MTHFD1L: variants seen among roughly 807,000 people sequenced by gnomAD.
The protein encoded by MTHFD1L is methylenetetrahydrofolate dehydrogenase (NADP+ dependent) 1 like.
Under a neutral mutation model 119.5 loss-of-function variants are expected in MTHFD1L, and 81 were observed. The ratio of observed to expected loss-of-function variants is 0.68; its 90% confidence interval spans 0.57 to 0.82. The LOEUF is 0.82. MTHFD1L is among the 40% of genes least tolerant of loss of function. The pLI is 0.00. For missense variants in MTHFD1L, 1,125 were observed against 1,253.4 expected, an observed-to-expected ratio of 0.90 and a Z score of 1.55; for synonymous variants, 430 against 475.2, an observed-to-expected ratio of 0.90 and a Z score of 1.24.
chr6:150,923,675 A>G (rs1326597644), intron 10 of MTHFD1L, among the ~76,000 whole-genome samples: 1 of 148,650 alleles, frequency 6.7e-6, no homozygotes, highest in Admixed American at 6.8e-5. Flanking sequence ...GGGCTGACTC[A>G]TTTTTTACCT....
In MTHFD1L at chr6:151,010,673, TTTG is replaced by T. The variant is rs1463000931; in HGVS notation, c.2265+724_2265+726del. 1.1e-4 allele frequency among the ~76,000 whole-genome samples: 16 copies of T among 152,270 alleles called. No homozygotes were observed. In the South Asian group the frequency reaches 1.7e-3, roughly 16 times the overall value. ...CTGTGCATAGATTTTTGGGGGTTTT[TTTG>T]TTGTTGTTTGCTTGTTTGTTGTTTT... is the stretch of plus-strand genomic sequence containing the variant. On this transcript the variant is annotated intron_variant, in intron 21 of 27. Coordinates refer to ENST00000367321, the MANE Select transcript of MTHFD1L (RefSeq NM_015440.5).
chr6:150,877,129 C>A (rs533915950), intron 2 of MTHFD1L, among the ~76,000 whole-genome samples: 2 of 152,078 alleles, frequency 1.3e-5, no homozygotes, highest in African/African-American at 4.8e-5. Flanking sequence ...CTTGGCTCAC[C>A]GTAGCTTTGA....
In MTHFD1L at chr6:151,054,073, G is replaced by A. The variant is rs560154387; in HGVS notation, c.2847+16956G>A. Among the ~76,000 whole-genome samples, 12 of 152,150 alleles carry A rather than the reference G, an allele frequency of 7.9e-5. No homozygotes were observed. In the South Asian group the frequency reaches 1.5e-3, roughly 18 times the overall value. On this transcript the variant is annotated intron_variant, in intron 26 of 27. Transcript: ENST00000367321. ...TCCTATTTTGAGATGGAAACATTTCGGCAGGGAGAGAGAAGAGAGACACCA... is the reference window on the plus strand; with the variant it reads ...TCCTATTTTGAGATGGAAACATTTCAGCAGGGAGAGAGAAGAGAGACACCA...
intron 20 of MTHFD1L, among the ~76,000 whole-genome samples, chr6:150,980,637 G>T (rs1229760031): frequency 6.6e-6 from 1 of 150,584 alleles, no homozygotes; most frequent in Admixed American, 6.7e-5. Context: ...TAGCTACTTG[G>T]GAGTCTGAGG....
intron 20 of MTHFD1L, among the ~76,000 whole-genome samples, chr6:150,981,085 T>C (rs976373551): frequency 6.6e-6 from 1 of 152,068 alleles, no homozygotes; most frequent in African/African-American, 2.4e-5. Flanking sequence ...TACATATGAA[T>C]TCGAAGGAAA....
chr6:151,058,358 TC>T (rs1476989684), intron 26 of MTHFD1L, among the ~76,000 whole-genome samples: 3 of 152,178 alleles, frequency 2.0e-5, no homozygotes, highest in African/African-American at 7.2e-5. Flanking sequence ...CTCTGTCACA[TC>T]CGTTTTTGGC....
intron 4 of MTHFD1L, 108 bp downstream of exon 4, chr6:150,877,934 G>C: frequency 7.5e-7 from 1 of 1,333,754 alleles, no homozygotes; most frequent in East Asian, 2.3e-5. Context: ...ATTTGCTTGT[G>C]ACTGAATGTT....
At chr6:150,866,411 C>G (rs1408668171) in intron 1 of MTHFD1L, 2 of 1,356,838 alleles carry the variant, frequency 1.5e-6, no homozygotes, top group Admixed American at 3.9e-5. Flanking sequence ...GCGGCTGGGG[C>G]GGAAACCAGG....
At chr6:151,006,782 T>C (rs537834348) in intron 20 of MTHFD1L, among the ~76,000 whole-genome samples, 1 of 152,278 alleles carries the variant, frequency 6.6e-6, no homozygotes, top group South Asian at 2.1e-4. Context: ...CGTATCATCA[T>C]GGAGCTTGCA....
At chr6:150,886,877 T>A (rs373155070) in intron 6 of MTHFD1L, among the ~76,000 whole-genome samples, 2 of 151,386 alleles carry the variant, frequency 1.3e-5, no homozygotes, top group East Asian at 2.0e-4. Context: ...GTGCCTGTAG[T>A]CCCGGCTACT....
At chr6:150,948,241 A>G (rs1384206461) in intron 15 of MTHFD1L, among the ~76,000 whole-genome samples, 2 of 152,102 alleles carry the variant, frequency 1.3e-5, no homozygotes, top group African/African-American at 4.8e-5. Flanking sequence ...TCCTGACCTC[A>G]GGTGATCTGC....
At chr6:151,072,374 T>C (rs952420425) in intron 26 of MTHFD1L, among the ~76,000 whole-genome samples, 1 of 152,176 alleles carries the variant, frequency 6.6e-6, no homozygotes, top group African/African-American at 2.4e-5. Context: ...CTTCTCATAA[T>C]GTTACACTTT....
At chr6:150,944,420 C>A in intron 13 of MTHFD1L, 66 bp from the exon 14 acceptor site, 1 of 1,231,216 alleles carries the variant, frequency 8.1e-7, no homozygotes, top group Non-Finnish European at 1.2e-6. Flanking sequence ...TGCACTCCAG[C>A]CTGGGCAACA....
chr6:150,879,144 G>A (rs1413140901), intron 4 of MTHFD1L, among the ~76,000 whole-genome samples: 2 of 152,148 alleles, frequency 1.3e-5, no homozygotes, highest in African/African-American at 4.8e-5. Flanking sequence ...TATACTGGGC[G>A]ATAAGTGTTT....
At chr6:151,056,652 A>T (rs1789981805) in intron 26 of MTHFD1L, among the ~76,000 whole-genome samples, 1 of 152,098 alleles carries the variant, frequency 6.6e-6, no homozygotes, top group Admixed American at 6.6e-5. Flanking sequence ...TGTGGGGAAG[A>T]TCCTCACCAA....
At chr6:151,032,675 A>G (rs1026457406) in intron 24 of MTHFD1L, among the ~76,000 whole-genome samples, 1 of 152,204 alleles carries the variant, frequency 6.6e-6, no homozygotes, top group Non-Finnish European at 1.5e-5. Flanking sequence ...CAGAGAAGTG[A>G]CGTCTGTACA....
intron 13 of MTHFD1L, among the ~76,000 whole-genome samples, chr6:150,943,919 A>G (rs1793543456): frequency 6.6e-6 from 1 of 152,164 alleles, no homozygotes; most frequent in Non-Finnish European, 1.5e-5. Context: ...TCCAAAGTAT[A>G]TTTGATATGA....
intron 8 of MTHFD1L, among the ~76,000 whole-genome samples, chr6:150,911,462 C>G (rs530630393): frequency 2.6e-5 from 4 of 152,114 alleles, no homozygotes; most frequent in Non-Finnish European, 4.4e-5. Context: ...AAAGAAATAC[C>G]TGAGACTGGG....
chr6:150,880,457 A>G (rs1781222975), intron 4 of MTHFD1L, among the ~76,000 whole-genome samples: 1 of 152,206 alleles, frequency 6.6e-6, no homozygotes, highest in Non-Finnish European at 1.5e-5. Context: ...TTATGGTTGA[A>G]TGATACTCCA....
Sources: gnomAD v4.1 joint callset for allele counts (sites outside exome capture counted in the v4.1 genomes callset) on GRCh38, gnomAD v4.1.1 for gene constraint, MANE v1.5 for transcripts, NCBI Gene and HGNC (gene_info 2026-07-23, HGNC 2026-07-21) for gene names.